DMD: variants seen among roughly 807,000 people sequenced by gnomAD.
DMD encodes mutant dystrophin.
In DMD, 63 loss-of-function variants were observed where a neutral mutation model predicts 330.1. The observed-to-expected ratio is 0.19, with a 90% confidence interval of 0.16 to 0.24. The LOEUF (loss-of-function observed/expected upper bound fraction) is 0.24, where lower values mean the gene tolerates loss of function less well. Ranked by LOEUF, DMD falls within the 10% of genes least tolerant of loss-of-function variation. DMD has a pLI of 1.00. For synonymous variants in DMD, 1,223 were observed against 959.8 expected (o/e 1.27, Z -5.07); for missense variants, 3,344 against 2,684.1 (o/e 1.25, Z -5.43).
intron 41 of DMD, among the ~76,000 whole-genome samples, chrX:32,312,960 A>AAAAAAAAAAAAAAAAAAAAAAAC (rs2097569428): frequency 1.1e-5 from 1 of 95,193 alleles, no homozygotes; most frequent in Non-Finnish European, 2.1e-5. Flanking sequence ...AAAAAAAAAA[A>AAAAAAAAAAAAAAAAAAAAAAAC]AAAAGCCCAG....
At chrX:31,930,775 A>G (rs2094843300) in intron 46 of DMD, among the ~76,000 whole-genome samples, 1 of 112,131 alleles carries the variant, frequency 8.9e-6, no homozygotes, top group Non-Finnish European at 1.9e-5. Flanking sequence ...AGAAAATGCC[A>G]CTAAATATGT....
chrX:32,881,079 C>A, intron 2 of DMD, among the ~76,000 whole-genome samples: 1 of 112,517 alleles, frequency 8.9e-6, no homozygotes. Context: ...GAAGCAGAAA[C>A]CACGAAGGCA....
chrX:32,235,276 C>T (rs1332601018), intron 43 of DMD, among the ~76,000 whole-genome samples: 1 of 110,624 alleles, frequency 9.0e-6, no homozygotes, highest in East Asian at 2.9e-4. Flanking sequence ...AACCTAGATC[C>T]CTTGCATGAG....
intron 43 of DMD, among the ~76,000 whole-genome samples, chrX:32,238,444 T>TGAGAGAGAGA (rs200601285): frequency 5.1e-5 from 5 of 98,999 alleles, no homozygotes; most frequent in African/African-American, 1.1e-4. Flanking sequence ...AAGCAATGCA[T>TGAGAGAGAGA]GAGAGAGAGA....
Position 32,816,458 on chromosome X carries a change from ATCT to A in DMD, c.530+7_530+9del, listed in dbSNP as rs750507979. The A allele has an allele frequency of 5.8e-6, 7 of 1,210,310 alleles. No individual in the cohort carries two copies. Among genetic ancestry groups the A allele is most frequent in the South Asian group, 1.8e-5 (1 of 56,950 alleles). Reference sequence around the variant, plus strand: ...TTACAAGTTATTTAATGTCTCAGTAATCTTCTTACCTATGACTATGGATGAGAG... The same window carrying A: ...TTACAAGTTATTTAATGTCTCAGTAATCTTACCTATGACTATGGATGAGAG... On this transcript the variant is annotated splice_region_variant and intron_variant, in intron 6 of 78. Transcript: ENST00000357033.
intron 60 of DMD, among the ~76,000 whole-genome samples, chrX:31,414,818 G>GCA (rs377360103): frequency 0.023 from 2,584 of 111,082 alleles, 32 homozygotes; most frequent in African/African-American, 0.053. Flanking sequence ...AAGCAGGCAT[G>GCA]CACACACACA....
chrX:32,473,459 G>C (rs2040875591), intron 21 of DMD, among the ~76,000 whole-genome samples: 1 of 111,036 alleles, frequency 9.0e-6, no homozygotes. Context: ...GCAAAGTCCT[G>C]GTTTATATCA....
chrX:32,728,707 G>C (rs1053425114), intron 7 of DMD, among the ~76,000 whole-genome samples: 3 of 112,201 alleles, frequency 2.7e-5, no homozygotes, highest in South Asian at 3.7e-4. Flanking sequence ...ATAATGCATA[G>C]AAAATAGTAT....
At chrX:31,815,417 T>A (rs1430774606) in intron 50 of DMD, among the ~76,000 whole-genome samples, 1 of 103,810 alleles carries the variant, frequency 9.6e-6, no homozygotes, top group East Asian at 3.0e-4. Flanking sequence ...ACCACTGCAC[T>A]CCAGCCTGGG....
intron 44 of DMD, among the ~76,000 whole-genome samples, chrX:32,110,320 G>T (rs748833163): frequency 9.0e-6 from 1 of 111,566 alleles, no homozygotes; most frequent in Non-Finnish European, 1.9e-5. Flanking sequence ...AAAACTCAAA[G>T]TGTGGCAAGT....
intron 7 of DMD, among the ~76,000 whole-genome samples, chrX:32,752,576 T>G (rs1160473577): frequency 1.9e-5 from 2 of 102,795 alleles, no homozygotes; most frequent in African/African-American, 7.8e-5. Context: ...TGTGGAGTTT[T>G]GAGTTAATGA....
chrX:33,285,527 C>G lies in DMD; in HGVS notation c.7+53732G>C, dbSNP rs1603428297. ...TTCTTTCTGTCAAAATAATGTGGAACAAGAAACACACTAAACAAGAGATAT... is the reference window on the plus strand; with the variant it reads ...TTCTTTCTGTCAAAATAATGTGGAAGAAGAAACACACTAAACAAGAGATAT... On this transcript the variant is annotated intron_variant, in intron 1 of 17. Coordinates refer to the DMD transcript ENST00000288447. Among the ~76,000 whole-genome samples the G allele has an allele frequency of 6.3e-5, 7 of 111,905 alleles. No homozygotes were observed. The South Asian group carries it at 2.6e-3, about 42-fold the overall frequency.
chrX:31,431,620 C>T (rs2064087698), intron 60 of DMD, among the ~76,000 whole-genome samples: 1 of 110,006 alleles, frequency 9.1e-6, no homozygotes. Context: ...TGGTCTCGAA[C>T]TCCGGACCTC....
At chrX:31,230,192 G>A (rs2047057781) in intron 63 of DMD, among the ~76,000 whole-genome samples, 1 of 111,437 alleles carries the variant, frequency 9.0e-6, no homozygotes, top group African/African-American at 3.3e-5. Context: ...CTTAAATGGG[G>A]GAAAAATAAA....
chrX:32,612,581 A>T (rs2057259981), intron 12 of DMD, among the ~76,000 whole-genome samples: 1 of 111,546 alleles, frequency 9.0e-6, no homozygotes, highest in Admixed American at 9.5e-5. Context: ...CACTTTCTGC[A>T]TGTAACTTCC....
intron 1 of DMD, among the ~76,000 whole-genome samples, chrX:33,153,192 C>A (rs2048357696): frequency 8.9e-6 from 1 of 112,879 alleles, no homozygotes; most frequent in South Asian, 3.6e-4. Context: ...AGGCGGATCA[C>A]CTAAGGTTGG....
intron 44 of DMD, among the ~76,000 whole-genome samples, chrX:32,134,818 T>C (rs955994666): frequency 1.6e-4 from 18 of 111,703 alleles, no homozygotes; most frequent in Non-Finnish European, 7.5e-5. Context: ...GAAAATAGGG[T>C]ATATGTGAGA....
chrX:31,985,109 A>ATTTC (rs1425017980), intron 44 of DMD, among the ~76,000 whole-genome samples: 1 of 112,235 alleles, frequency 8.9e-6, no homozygotes, highest in Non-Finnish European at 1.9e-5. Context: ...AATAACTATA[A>ATTTC]TTTCTTTCAA....
chrX:32,751,054 T>C (rs1312650379), intron 7 of DMD, among the ~76,000 whole-genome samples: 3 of 111,797 alleles, frequency 2.7e-5, no homozygotes, highest in Non-Finnish European at 5.6e-5. Context: ...CTCTTTTTCC[T>C]GTATAAATTA....
Sources: gnomAD v4.1 joint callset for allele counts (sites outside exome capture counted in the v4.1 genomes callset) on GRCh38, gnomAD v4.1.1 for gene constraint, MANE v1.5 for transcripts, NCBI Gene and HGNC (gene_info 2026-07-23, HGNC 2026-07-21) for gene names.